NPR3: variants seen among roughly 807,000 people sequenced by gnomAD.
The protein encoded by NPR3 is atrial natriuretic peptide receptor 3.
A neutral mutation model predicts 54.5 loss-of-function variants in NPR3; 34 were observed. That is an observed-to-expected ratio of 0.62 (90% confidence interval 0.47 to 0.83). The LOEUF (loss-of-function observed/expected upper bound fraction) is 0.83, where lower values mean the gene tolerates loss of function less well. Among genes scored for constraint, NPR3 ranks in the 40% least tolerant of loss-of-function variants. NPR3 has a pLI of 0.00. For missense variants in NPR3, 674 were observed against 720.8 expected, an observed-to-expected ratio of 0.94 and a Z score of 0.74; for synonymous variants, 289 against 297.1, an observed-to-expected ratio of 0.97 and a Z score of 0.28.
chr5:32,754,105 C>T (rs1442546085), intron 3 of NPR3, among the ~76,000 whole-genome samples: 1 of 152,160 alleles, frequency 6.6e-6, no homozygotes, highest in Non-Finnish European at 1.5e-5. Context: ...ACAGCAGCCA[C>T]AGTTTTTTAA....
rs75292280 is a variant in NPR3 at position 32,781,806 on chromosome 5, G to A, written c.1290+990G>A. On this transcript the variant is annotated intron_variant, in intron 5 of 7. Coordinates refer to ENST00000265074, the MANE Select transcript of NPR3 (RefSeq NM_001204375.2). ...AGTCCATTGTGAGGTTGCAGGGGTG[G>A]AGGTGTATAAAGCCCTTGGCAAGTG... is the stretch of plus-strand genomic sequence containing the variant. Among the ~76,000 whole-genome samples the A allele has an allele frequency of 3.8e-3, 572 of 152,262 alleles. 1 individual carries two copies. Among genetic ancestry groups the A allele is most frequent in the South Asian group, 8.1e-3 (39 of 4,824 alleles).
Position 32,724,083 on chromosome 5 carries a change from C to G in NPR3, c.770-615C>G, listed in dbSNP as rs186043052. 2.9e-3 allele frequency among the ~76,000 whole-genome samples: 440 copies of G among 152,212 alleles called. 3 individuals carry two copies. The highest frequency in any genetic ancestry group is 4.0e-3 in the Non-Finnish European group (274 of 68,022). Reference sequence around the variant, plus strand: ...AGAACAAGAATGTTTACTTACATAACCACAGCATAATTATGAAAAGTAAGA... The same window carrying G: ...AGAACAAGAATGTTTACTTACATAAGCACAGCATAATTATGAAAAGTAAGA... On this transcript the variant is annotated intron_variant, in intron 1 of 7. Transcript: ENST00000265074.
intron 3 of NPR3, among the ~76,000 whole-genome samples, chr5:32,756,676 C>T (rs1176500999): frequency 6.6e-6 from 1 of 152,180 alleles, no homozygotes; most frequent in Non-Finnish European, 1.5e-5. Flanking sequence ...GAACTCCTTG[C>T]CCATGCCTAT....
chr5:32,787,207 C>T lies in NPR3; in HGVS notation c.*862C>T, dbSNP rs1169338648. 1 of 152,406 alleles carries T rather than the reference C, an allele frequency of 6.6e-6. No homozygotes were observed. The highest frequency in any genetic ancestry group is 2.4e-5 in the African/African-American group (1 of 41,382). The allele number at this position is 152,406 out of a possible 1,614,324, so 9.4% of individuals were successfully genotyped here. ...GATAAAAAATACTTCTCTTTTTCTC[C>T]CTGTTTCCCTTTTTCCCTTGGCCAC... On this transcript the variant is annotated 3_prime_UTR_variant, in exon 8 of 8. Coordinates refer to ENST00000265074, the MANE Select transcript of NPR3 (RefSeq NM_001204375.2).
chr5:32,768,864 G>A (rs562176450), intron 3 of NPR3, among the ~76,000 whole-genome samples: 188 of 152,344 alleles, frequency 1.2e-3, no homozygotes, highest in African/African-American at 4.0e-3. Flanking sequence ...GGGGGAGCAA[G>A]AAGTATGCCA....
At chr5:32,708,146 T>C (rs1408892863), upstream of NPR3, among the ~76,000 whole-genome samples, 2 of 152,122 alleles carry the variant, frequency 1.3e-5, no homozygotes, top group Admixed American at 6.5e-5. Context: ...GCTAATTTTC[T>C]TTCATTTTGC....
intron 1 of NPR3, among the ~76,000 whole-genome samples, chr5:32,713,942 G>T (rs1738403898): frequency 6.6e-6 from 1 of 152,228 alleles, no homozygotes. Context: ...CGCAGGCTTT[G>T]CCGATTATGA....
chr5:32,761,955 C>G (rs1225467616), intron 3 of NPR3, among the ~76,000 whole-genome samples: 1 of 152,022 alleles, frequency 6.6e-6, no homozygotes, highest in Non-Finnish European at 1.5e-5. Context: ...TTCCAATCCC[C>G]CAACAGGCCC....
intron 3 of NPR3, among the ~76,000 whole-genome samples, chr5:32,766,688 C>T (rs1037783348): frequency 1.3e-5 from 2 of 151,966 alleles, no homozygotes; most frequent in Non-Finnish European, 2.9e-5. Context: ...GAACAAAGAC[C>T]CTTCAAAACC....
At chr5:32,736,161 G>A (rs965046319) in intron 2 of NPR3, among the ~76,000 whole-genome samples, 1 of 145,880 alleles carries the variant, frequency 6.9e-6, no homozygotes, top group African/African-American at 2.6e-5. Flanking sequence ...AACCCTGGAG[G>A]CAAAGGTTGC....
At chr5:32,782,103 T>C (rs987395643) in intron 5 of NPR3, among the ~76,000 whole-genome samples, 5 of 152,040 alleles carry the variant, frequency 3.3e-5, no homozygotes, top group African/African-American at 1.2e-4. Flanking sequence ...CATAACAGAA[T>C]AATGATTTTC....
chr5:32,758,501 T>C (rs941991190), intron 3 of NPR3, among the ~76,000 whole-genome samples: 2 of 152,306 alleles, frequency 1.3e-5, no homozygotes, highest in East Asian at 1.9e-4. Context: ...CTTTTCTTCT[T>C]TATTAGTCTT....
At chr5:32,710,859 G>GTTTTTTTTTTTT (rs56022335), upstream of NPR3, 552 of 979,336 alleles carry the variant, frequency 5.6e-4, 4 homozygotes, top group African/African-American at 5.0e-3. Context: ...CCCAGTCCTG[G>GTTTTTTTTTTTT]TTTTTTTTTT....
At chr5:32,730,738 T>TA (rs1484517989) in intron 2 of NPR3, among the ~76,000 whole-genome samples, 2 of 152,084 alleles carry the variant, frequency 1.3e-5, no homozygotes, top group African/African-American at 4.8e-5. Context: ...AAGAAATACT[T>TA]AAAAAATGTA....
intron 1 of NPR3, among the ~76,000 whole-genome samples, chr5:32,698,012 C>A (rs1033128645): frequency 7.9e-5 from 12 of 151,678 alleles, no homozygotes; most frequent in African/African-American, 2.4e-4. Flanking sequence ...TTTATTATTT[C>A]TTTTCTTCTA....
At chr5:32,730,139 A>G (rs1194152420) in intron 2 of NPR3, among the ~76,000 whole-genome samples, 1 of 152,180 alleles carries the variant, frequency 6.6e-6, no homozygotes, top group Non-Finnish European at 1.5e-5. Context: ...TATCCCAGGG[A>G]TGCAAAGTTG....
intron 1 of NPR3, among the ~76,000 whole-genome samples, chr5:32,712,833 C>G (rs1273965901): frequency 6.6e-6 from 1 of 152,218 alleles, no homozygotes; most frequent in African/African-American, 2.4e-5. Flanking sequence ...GATGTTTTTT[C>G]TTCCCAGTTT....
Position 32,784,797 on chromosome 5 carries a change from A to C in NPR3, c.1428A>C (p.Ser476=), listed in dbSNP as rs369814626. The C allele has an allele frequency of 5.0e-6, 8 of 1,612,638 alleles. No individual in the cohort carries two copies. The African/African-American group carries it at 8.0e-5, about 16-fold the overall frequency. The part of the protein sequence containing the change: ...EHTNSSPCKS[S]GGLEESAVTG... ...GATTATCCATGCTTCTTTTTCAAGC[A>C]GGTGGCCTAGAAGAATCGGCAGTGA... The change falls in exon 7 of 8, where the codon TCA becomes TCC. Residue 476 remains serine, a splice_region_variant and synonymous_variant. Coordinates refer to ENST00000265074, the MANE Select transcript of NPR3 (RefSeq NM_001204375.2).
intron 3 of NPR3, among the ~76,000 whole-genome samples, chr5:32,748,216 T>G (rs1039977743): frequency 2.0e-5 from 3 of 152,242 alleles, no homozygotes; most frequent in Non-Finnish European, 4.4e-5. Flanking sequence ...CCATTCTGAT[T>G]ATTTATATTT....
Sources: allele counts gnomAD v4.1 joint callset (sites outside exome capture counted in the v4.1 genomes callset), GRCh38; gene constraint gnomAD v4.1.1; transcripts MANE v1.5; gene names NCBI Gene and HGNC (gene_info 2026-07-23, HGNC 2026-07-21).